Variants in APP observed in about 807,000 individuals in gnomAD.
APP encodes the protein amyloid-beta precursor protein.
In APP, 31 loss-of-function variants were observed where a neutral mutation model predicts 101.4. The observed-to-expected ratio is 0.31, with a 90% CI of 0.23 to 0.41. APP has a LOEUF of 0.41. Ranked by LOEUF, APP falls within the 10% of genes least tolerant of loss-of-function variation. APP has a pLI of 1.00. For synonymous variants in APP, 366 were observed against 364.4 expected, an observed-to-expected ratio of 1.00 and a Z score of -0.05; for missense variants, 839 against 1,003.7, an observed-to-expected ratio of 0.84 and a Z score of 2.22.
At chr21:26,044,909 T>C (rs1400487482) in intron 5 of APP, among the ~76,000 whole-genome samples, 2 of 152,220 alleles carry the variant, frequency 1.3e-5, no homozygotes, top group Non-Finnish European at 2.9e-5. Context: ...ACAGGAAGGA[T>C]ATCATCACTC....
rs780032914 is a variant in APP, at chr21:25,905,085, C to G, written c.1910-8G>C. 2 of 1,613,236 alleles carry G rather than the reference C, an allele frequency of 1.2e-6. No homozygotes were observed. The highest frequency in any genetic ancestry group is 2.7e-5 in the African/African-American group (2 of 74,856). ...GGGCATCAACAGGCTCAACTGGGCA[C>G]AGGAAGCAAGGGACACAGAAAGCAA... On this transcript the variant is annotated splice_polypyrimidine_tract_variant and splice_region_variant and intron_variant, in intron 14 of 17. Transcript: ENST00000346798.
chr21:26,156,187 C>T (rs777911320), intron 1 of APP, among the ~76,000 whole-genome samples: 1 of 152,014 alleles, frequency 6.6e-6, no homozygotes, highest in Non-Finnish European at 1.5e-5. Flanking sequence ...AGATTATAAT[C>T]TCCCATTTTT....
chr21:25,897,494 C>G lies in APP; in HGVS notation c.2064+79G>C. ...TTTTATCTTTTCCTTAATTTGATTT[C>G]TAGCACAGGATGAACCAGAGTTAAT... On this transcript the variant is annotated intron_variant, in intron 16 of 17. Coordinates refer to ENST00000346798, the MANE Select transcript of APP (RefSeq NM_000484.4). 3 of 1,083,042 alleles carry G rather than the reference C, an allele frequency of 2.8e-6. No homozygotes were observed. The South Asian group carries it at 3.7e-5, about 13-fold the overall frequency. The allele number at this position is 1,083,042 out of a possible 1,614,324, so 67.1% of individuals were successfully genotyped here. A position where few individuals can be genotyped will look rare whatever the true frequency, so the allele number is the denominator to read the frequency against.
chr21:25,954,448 A>C (rs989356027), intron 13 of APP, 142 bp downstream of exon 13: 3 of 753,234 alleles, frequency 4.0e-6, no homozygotes, highest in Non-Finnish European at 7.0e-6. Flanking sequence ...CTAGTAAGCT[A>C]GTTCCAGCCT....
chr21:26,064,839 T>G (rs1446979416), intron 3 of APP, among the ~76,000 whole-genome samples: 1 of 152,114 alleles, frequency 6.6e-6, no homozygotes, highest in Admixed American at 6.5e-5. Context: ...TGTTGTTGTT[T>G]TTTTGTTTTG....
At chr21:25,986,015 G>A (rs2042623094) in intron 8 of APP, among the ~76,000 whole-genome samples, 1 of 152,144 alleles carries the variant, frequency 6.6e-6, no homozygotes, top group African/African-American at 2.4e-5. Context: ...ATTTTAAGGT[G>A]GAGTATGTCC....
rs2062744886 is a variant in APP, at chr21:26,129,273, C to T, written c.58-17127G>A. On this transcript the variant is annotated intron_variant, in intron 1 of 17. Transcript: ENST00000346798. Reference sequence around the variant, plus strand: ...GGATCATGAGGTTAGGAGTTCAAGACCAGCCTGGCCAAGATGGTGAAACCC... The same window carrying T: ...GGATCATGAGGTTAGGAGTTCAAGATCAGCCTGGCCAAGATGGTGAAACCC... 2.0e-5 allele frequency among the ~76,000 whole-genome samples: 3 copies of T among 152,064 alleles called. No individual in the cohort carries two copies. In the South Asian group the frequency reaches 6.2e-4, roughly 32 times the overall value.
rs117826941 is a variant in APP, at chr21:26,096,139, C to T, written c.226-6067G>A. ...TTAGACTACACTTCAAATGCCTACG[C>T]CCATTAGGGTCCCCCCACATGGACA... On this transcript the variant is annotated intron_variant, in intron 2 of 17. Transcript: ENST00000346798. Among the ~76,000 whole-genome samples, 1,205 of 152,316 alleles carry T rather than the reference C, an allele frequency of 7.9e-3. 9 individuals are homozygous for T. The highest frequency in any genetic ancestry group is 0.027 in the Middle Eastern group (8 of 294).
chr21:26,117,665 C>T (rs1241573659), intron 1 of APP, among the ~76,000 whole-genome samples: 1 of 152,098 alleles, frequency 6.6e-6, no homozygotes, highest in Non-Finnish European at 1.5e-5. Flanking sequence ...TTTTCCAAGG[C>T]TTTGCCCCTG....
chr21:26,063,606 G>C (rs1011481247), intron 3 of APP, among the ~76,000 whole-genome samples: 5 of 152,042 alleles, frequency 3.3e-5, no homozygotes, highest in Admixed American at 1.3e-4. Flanking sequence ...GGAATAATTT[G>C]AGCAATAAAA....
At chr21:25,913,162 A>G (rs2039169024) in intron 13 of APP, among the ~76,000 whole-genome samples, 1 of 152,230 alleles carries the variant, frequency 6.6e-6, no homozygotes, top group Admixed American at 6.5e-5. Flanking sequence ...TTGACAAAAA[A>G]TGTATCTGAA....
At chr21:25,985,785 C>A (rs979938690) in intron 8 of APP, among the ~76,000 whole-genome samples, 11 of 152,056 alleles carry the variant, frequency 7.2e-5, no homozygotes, top group Non-Finnish European at 1.5e-4. Context: ...GTTGAGGAAG[C>A]TGTGTCTCTT....
At chr21:26,092,784 A>G (rs1003620551) in intron 2 of APP, among the ~76,000 whole-genome samples, 1 of 152,214 alleles carries the variant, frequency 6.6e-6, no homozygotes, top group Non-Finnish European at 1.5e-5. Context: ...TGCAGGTAGC[A>G]AGTATATGGG....
At chr21:26,036,817 GC>G (rs2045133720) in intron 5 of APP, among the ~76,000 whole-genome samples, 1 of 152,192 alleles carries the variant, frequency 6.6e-6, no homozygotes, top group Non-Finnish European at 1.5e-5. Context: ...ATACGATCCA[GC>G]AATCCCACTA....
chr21:26,012,684 C>T (rs1382754919), intron 6 of APP, among the ~76,000 whole-genome samples: 6 of 147,226 alleles, frequency 4.1e-5, no homozygotes, highest in African/African-American at 1.3e-4. Context: ...TGGCTAAAAA[C>T]GTGTGCCCGG....
chr21:25,914,626 T>G (rs1333032575), intron 13 of APP, among the ~76,000 whole-genome samples: 2 of 143,612 alleles, frequency 1.4e-5, no homozygotes, highest in South Asian at 4.5e-4. Context: ...CAATCTCGGC[T>G]CACTGCAAGC....
chr21:25,901,007 A>G (rs1277191070), intron 15 of APP, among the ~76,000 whole-genome samples: 2 of 138,918 alleles, frequency 1.4e-5, no homozygotes, highest in Admixed American at 7.3e-5. Flanking sequence ...AAAAAAAAGA[A>G]TGAGCTCTCG....
chr21:25,905,731 A>G (rs542134557), intron 14 of APP, among the ~76,000 whole-genome samples: 5 of 152,276 alleles, frequency 3.3e-5, no homozygotes, highest in East Asian at 1.9e-4. Flanking sequence ...TTCATTTTAT[A>G]TTTGCCATTG....
At chr21:26,100,262 A>G (rs2062027652) in intron 2 of APP, among the ~76,000 whole-genome samples, 2 of 152,222 alleles carry the variant, frequency 1.3e-5, no homozygotes, top group African/African-American at 2.4e-5. Flanking sequence ...CAATCCTTAC[A>G]TTTATACAGA....
Sources: allele counts gnomAD v4.1 joint callset (sites outside exome capture counted in the v4.1 genomes callset), GRCh38; gene constraint gnomAD v4.1.1; transcripts MANE v1.5; gene names NCBI Gene and HGNC (gene_info 2026-07-23, HGNC 2026-07-21).